Variants in RFTN1 observed in about 807,000 individuals in gnomAD.
RFTN1 encodes the protein raftlin, lipid raft linker 1, also known as raftlin.
In RFTN1, 26 loss-of-function variants were observed where a neutral mutation model predicts 46.5. That is an observed-to-expected ratio of 0.56 (90% CI 0.41 to 0.78). The LOEUF (loss-of-function observed/expected upper bound fraction) is 0.78. Ranked by LOEUF, RFTN1 falls within the 30% of genes least tolerant of loss-of-function variation. The probability of loss-of-function intolerance (pLI) is 0.00; values close to 1 mark genes in which losing one functional copy is unlikely to be tolerated. For missense variants in RFTN1, 693 were observed against 718.7 expected, an observed-to-expected ratio of 0.96 and a Z score of 0.41; for synonymous variants, 261 against 284.2, an observed-to-expected ratio of 0.92 and a Z score of 0.82.
At chr3:16,430,536 T>C (rs2075365452) in intron 3 of RFTN1, among the ~76,000 whole-genome samples, 1 of 152,218 alleles carries the variant, frequency 6.6e-6, no homozygotes, top group Admixed American at 6.5e-5. Context: ...TATTTTACAA[T>C]GACTGCTTCC....
rs2069028500 is a variant in RFTN1, at chr3:16,321,334, C to G, written c.1332+2042G>C. ...AGTGAAGGGAGAAATGGGGCTGGGT[C>G]TGAACCCTGAGGAACTTAGTGGGAA... On this transcript the variant is annotated intron_variant, in intron 9 of 9. Transcript: ENST00000334133. The surrounding 1 kb of genome is among the most constrained non-coding windows in gnomAD (Gnocchi z 4.8). Among the ~76,000 whole-genome samples the G allele has an allele frequency of 6.6e-6, 1 of 152,076 alleles. No individual in the cohort carries two copies. The highest frequency in any genetic ancestry group is 1.5e-5 in the Non-Finnish European group (1 of 68,004).
rs2125339209 is a variant in RFTN1 at position 16,361,029 on chromosome 3, TAAC to T, written c.1031-2985_1031-2983del. On this transcript the variant is annotated intron_variant, in intron 6 of 9. Transcript: ENST00000334133. The surrounding 1 kb of genome is among the most constrained non-coding windows in gnomAD (Gnocchi z 4.3). ...TTTATATCCTTTTCTGTGAGGTTAT[TAAC>T]AAGTTAATACAGGTATAACACAAGT... 1.3e-5 allele frequency among the ~76,000 whole-genome samples: 2 copies of T among 152,342 alleles called. No homozygotes were observed. Among genetic ancestry groups the T allele is most frequent in the African/African-American group, 2.4e-5 (1 of 41,568 alleles).
intron 9 of RFTN1, among the ~76,000 whole-genome samples, chr3:16,319,941 G>T (rs1317800603): frequency 6.6e-6 from 1 of 152,024 alleles, no homozygotes; most frequent in African/African-American, 2.4e-5. Context: ...TAACCAGCAA[G>T]CCGCAGATAA....
rs1479465477 is a variant in RFTN1, at chr3:16,378,400, TAA to T, written c.442-300_442-299del. On this transcript the variant is annotated intron_variant, in intron 4 of 9. Transcript: ENST00000334133. ...TACACTAGTCCTTATTAACATTTTT[TAA>T]AGAGGCTGGAAAAAGTTCTAAACAA... Among the ~76,000 whole-genome samples, 10 of 151,660 alleles carry T rather than the reference TAA, an allele frequency of 6.6e-5. No individual in the cohort carries two copies. The South Asian group carries it at 1.9e-3, about 29-fold the overall frequency.
chr3:16,369,802 A>G (rs2073417416), intron 6 of RFTN1, among the ~76,000 whole-genome samples: 1 of 152,254 alleles, frequency 6.6e-6, no homozygotes, highest in African/African-American at 2.4e-5. Context: ...TTTAAAAGCA[A>G]CAGAGACTGA....
rs539453588 is a variant in RFTN1 at position 16,509,393 on chromosome 3, G to A, written c.-9+4049C>T. On this transcript the variant is annotated intron_variant, in intron 1 of 9. Coordinates refer to ENST00000334133, the MANE Select transcript of RFTN1 (RefSeq NM_015150.2). The surrounding 1 kb of genome is among the most constrained non-coding windows in gnomAD (Gnocchi z 4.9). Reference sequence around the variant, plus strand: ...CTTAAGGTCTTAGAAAAATGAAAACGTGAACTTAGGGAAAGTTAACCTTGC... The same window carrying A: ...CTTAAGGTCTTAGAAAAATGAAAACATGAACTTAGGGAAAGTTAACCTTGC... Among the ~76,000 whole-genome samples the A allele has an allele frequency of 2.6e-5, 4 of 152,214 alleles. No individual in the cohort carries two copies. Among genetic ancestry groups the A allele is most frequent in the Admixed American group, 1.3e-4 (2 of 15,294 alleles).
chr3:16,384,172 A>G lies in RFTN1; in HGVS notation c.442-6070T>C, dbSNP rs938771319. On this transcript the variant is annotated intron_variant, in intron 4 of 9. Coordinates refer to ENST00000334133, the MANE Select transcript of RFTN1 (RefSeq NM_015150.2). The surrounding 1 kb of genome is among the most constrained non-coding windows in gnomAD (Gnocchi z 4.7). ...TTCTCCCTGGGTTTTCTCCCCTTCA[A>G]ACTCAAAGACTGCAACACCAGTCCT... Among the ~76,000 whole-genome samples, 4 of 152,148 alleles carry G rather than the reference A, an allele frequency of 2.6e-5. No homozygotes were observed. The highest frequency in any genetic ancestry group is 9.7e-5 in the African/African-American group (4 of 41,428).
At chr3:16,508,692 GCACGCA>G (rs143608822) in intron 1 of RFTN1, among the ~76,000 whole-genome samples, 19,788 of 87,608 alleles carry the variant, frequency 0.23, 1,398 homozygotes, top group East Asian at 0.41. Context: ...AAGATCACAC[GCACGCA>G]CACACACACA....
At chr3:16,366,341 G>T (rs796162854) in intron 6 of RFTN1, among the ~76,000 whole-genome samples, 1 of 108,004 alleles carries the variant, frequency 9.3e-6, no homozygotes, top group East Asian at 3.7e-4. Context: ...CTCAGCTCGG[G>T]GTCTCTCCTC....
At chr3:16,495,876 T>A (rs940732329) in intron 1 of RFTN1, among the ~76,000 whole-genome samples, 1 of 152,228 alleles carries the variant, frequency 6.6e-6, no homozygotes, top group African/African-American at 2.4e-5. Flanking sequence ...GGAACAATCT[T>A]TATAACTGTA....
At chr3:16,420,116 G>A (rs558742066) in intron 3 of RFTN1, among the ~76,000 whole-genome samples, 2 of 152,316 alleles carry the variant, frequency 1.3e-5, no homozygotes, top group African/African-American at 4.8e-5. Context: ...ACTACAAGGA[G>A]TGCACTGTTA....
chr3:16,486,300 A>G (rs1410581104), intron 2 of RFTN1, among the ~76,000 whole-genome samples: 1 of 151,814 alleles, frequency 6.6e-6, no homozygotes, highest in East Asian at 1.9e-4. Flanking sequence ...ATCCAGAGAA[A>G]TCTTTCCAGA....
intron 4 of RFTN1, among the ~76,000 whole-genome samples, chr3:16,386,582 C>G (rs538598779): frequency 2.0e-5 from 3 of 152,346 alleles, no homozygotes; most frequent in African/African-American, 7.2e-5. Flanking sequence ...TGTTCCTACA[C>G]TCTAAGCTGT....
At position 16,433,984 on chromosome 3, in the gene RFTN1, C is replaced by G; in HGVS notation, c.199G>C (p.Ala67Pro). The change falls in exon 3 of 10, where the codon GCC becomes CCC. Residue 67 changes from alanine (A) to proline (P), a missense_variant. Transcript: ENST00000334133. The surrounding 1 kb of genome is among the most constrained non-coding windows in gnomAD (Gnocchi z 4.4). ...VRLASLRDLP[A>P]QLLELYQQGF... ...TGCTGGTACAGCTCCAGGAGCTGGGCGGGCAGGTCACGCAGGGAGGCCAGC... is the reference window on the plus strand; with the variant it reads ...TGCTGGTACAGCTCCAGGAGCTGGGGGGGCAGGTCACGCAGGGAGGCCAGC... The G allele has an allele frequency of 6.2e-7, 1 of 1,613,344 alleles. No homozygotes were observed. Among genetic ancestry groups the G allele is most frequent in the South Asian group, 1.1e-5 (1 of 90,994 alleles).
chr3:16,357,972 C>G lies in RFTN1; in HGVS notation c.1106G>C (p.Gly369Ala), dbSNP rs2072558251. Residue 369 changes from glycine (G) to alanine (A), a missense_variant, in exon 7 of 10, where the codon GGC (glycine) becomes GCC (alanine). Transcript: ENST00000334133. Reference sequence around the variant, plus strand: ...TTGTTCAACCACAATAGCATCATAGCCCTGTATGGTTTTGCTATCTTCTGT... The same window carrying G: ...TTGTTCAACCACAATAGCATCATAGGCCTGTATGGTTTTGCTATCTTCTGT... The part of the protein sequence containing the change: ...VSTEDSKTIQ[G>A]YDAIVVEQWT... The G allele has an allele frequency of 6.2e-7, 1 of 1,613,430 alleles. No individual in the cohort carries two copies. Among genetic ancestry groups the G allele is most frequent in the Non-Finnish European group, 8.5e-7 (1 of 1,179,580 alleles).
chr3:16,484,965 CT>C lies in RFTN1; in HGVS notation c.145+8759del. 1 of 152,320 alleles carries C rather than the reference CT, an allele frequency of 6.6e-6. No individual in the cohort carries two copies. The highest frequency in any genetic ancestry group is 6.5e-5 in the Admixed American group (1 of 15,306). 9.4% of individuals were successfully genotyped at this position (152,320 alleles called of 1,614,324 possible). A position where few individuals can be genotyped will look rare whatever the true frequency, so the allele number is the denominator to read the frequency against. On this transcript the variant is annotated intron_variant, in intron 2 of 9. Transcript: ENST00000334133. This position sits in a 1 kb window ranked among gnomAD's most constrained non-coding sequence, Gnocchi z 4.6. ...AGTAGGTGCTGAATAAAAAGTAACT[CT>C]GATTATTACCTATAAAAAATGAAGC... is the stretch of plus-strand genomic sequence containing the variant.
Position 16,480,747 on chromosome 3 carries a change from C to T in RFTN1, c.145+12978G>A, listed in dbSNP as rs986294898. On this transcript the variant is annotated intron_variant, in intron 2 of 9. Coordinates refer to ENST00000334133, the MANE Select transcript of RFTN1 (RefSeq NM_015150.2). The surrounding 1 kb of genome is among the most constrained non-coding windows in gnomAD (Gnocchi z 4.3). ...AGAGAAAGCTTAAAATTCTTTAACG[C>T]AATATTGCTAATAATAATTAGTAGG... is the stretch of plus-strand genomic sequence containing the variant. Among the ~76,000 whole-genome samples, 2 of 152,144 alleles carry T rather than the reference C, an allele frequency of 1.3e-5. No individual in the cohort carries two copies. The highest frequency in any genetic ancestry group is 2.4e-5 in the African/African-American group (1 of 41,420).
At chr3:16,389,189 G>T (rs1218675528) in intron 4 of RFTN1, among the ~76,000 whole-genome samples, 1 of 152,176 alleles carries the variant, frequency 6.6e-6, no homozygotes, top group Non-Finnish European at 1.5e-5. Context: ...ATTGGGCATT[G>T]CTATCCTAGT....
In RFTN1 at chr3:16,424,928, CT is replaced by C. The variant is rs1483321569; in HGVS notation, c.332+8922del. ...GTAATGCCCATTATATCTTTTTCAG[CT>C]TGAAAAACACACAAAAAAAATCTAA... On this transcript the variant is annotated intron_variant, in intron 3 of 9. Transcript: ENST00000334133. This position sits in a 1 kb window ranked among gnomAD's most constrained non-coding sequence, Gnocchi z 4.7. 1.0e-4 allele frequency among the ~76,000 whole-genome samples: 15 copies of C among 143,704 alleles called. No individual in the cohort carries two copies. The Admixed American group carries it at 1.1e-3, about 10-fold the overall frequency. The allele number at this position is 143,704 out of a possible 152,430, so 94.3% of individuals were successfully genotyped here.
Sources: gnomAD v4.1 joint callset for allele counts (sites outside exome capture counted in the v4.1 genomes callset) on GRCh38, gnomAD v4.1.1 for gene constraint, Gnocchi (gnomAD v3.1) non-coding constraint, MANE v1.5 for transcripts, NCBI Gene and HGNC (gene_info 2026-07-23, HGNC 2026-07-21) for gene names.